Variants in MARCHF1 observed in about 807,000 individuals in gnomAD.
MARCHF1 encodes E3 ubiquitin-protein ligase MARCHF1.
MARCHF1 carries 40 observed loss-of-function variants against 54.2 expected under a neutral mutation model. The observed-to-expected ratio is 0.74, with a 90% confidence interval of 0.57 to 0.96. The LOEUF (loss-of-function observed/expected upper bound fraction) is 0.96. Among genes scored for constraint, MARCHF1 ranks in the 40% least tolerant of loss-of-function variants. MARCHF1 has a pLI of 0.00. For missense variants in MARCHF1, 586 were observed against 656.5 expected (o/e 0.89, Z 1.17); for synonymous variants, 236 against 236.3 (o/e 1.00, Z 0.01).
chr4:164,213,561 G>A (rs1189855437), intron 1 of MARCHF1, among the ~76,000 whole-genome samples: 3 of 151,828 alleles, frequency 2.0e-5, no homozygotes, highest in Non-Finnish European at 4.4e-5. Flanking sequence ...AAAATTCTAC[G>A]TAACACATTG....
intron 1 of MARCHF1, among the ~76,000 whole-genome samples, chr4:164,349,841 T>C (rs529329912): frequency 6.6e-6 from 1 of 152,328 alleles, no homozygotes; most frequent in East Asian, 1.9e-4. Context: ...TCCACTCAAA[T>C]TGTTCAAAAG....
At chr4:163,571,152 G>A (rs986171598) in intron 8 of MARCHF1, among the ~76,000 whole-genome samples, 4 of 152,052 alleles carry the variant, frequency 2.6e-5, no homozygotes, top group Admixed American at 2.6e-4. Flanking sequence ...GATTTCTTCA[G>A]CTAAAAATTC....
At position 163,528,458 on chromosome 4, in the gene MARCHF1, C is replaced by T; in HGVS notation, c.*290G>A. ...CATGGGTCCATTTAATCTTTGATTA[C>T]TGCCTAAAAGCATTCATTGCCCCAG... On this transcript the variant is annotated 3_prime_UTR_variant, in exon 10 of 10. Coordinates refer to ENST00000514618, the MANE Select transcript of MARCHF1 (RefSeq NM_001394959.1). 3.0e-6 allele frequency: 1 copy of T among 328,640 alleles called. No homozygotes were observed. The allele number at this position is 328,640 out of a possible 1,614,324, so 20.4% of individuals were successfully genotyped here.
At chr4:163,571,454 A>T (rs922217984) in intron 8 of MARCHF1, among the ~76,000 whole-genome samples, 1 of 152,108 alleles carries the variant, frequency 6.6e-6, no homozygotes, top group African/African-American at 2.4e-5. Flanking sequence ...TCGTAAGTGG[A>T]TGTTACTGGA....
intron 1 of MARCHF1, among the ~76,000 whole-genome samples, chr4:164,376,585 G>C (rs1049207770): frequency 2.6e-5 from 4 of 152,134 alleles, no homozygotes; most frequent in Non-Finnish European, 5.9e-5. Flanking sequence ...TTCCATGGCC[G>C]GTTGAGGCTC....
intron 1 of MARCHF1, among the ~76,000 whole-genome samples, chr4:164,192,271 A>G (rs1459319476): frequency 2.0e-5 from 3 of 152,210 alleles, no homozygotes; most frequent in Non-Finnish European, 4.4e-5. Context: ...TTAAAACAAT[A>G]TTCTTTTAAA....
chr4:164,275,446 T>C (rs991552261), intron 1 of MARCHF1, among the ~76,000 whole-genome samples: 1 of 151,818 alleles, frequency 6.6e-6, no homozygotes. Flanking sequence ...GACATTAGAA[T>C]AATCCTTGAG....
In MARCHF1 at chr4:163,580,798, G is replaced by GTTT. The variant is rs539868861; in HGVS notation, c.1191+4948_1191+4950dup. On this transcript the variant is annotated intron_variant, in intron 8 of 9. Transcript: ENST00000514618. ...AGGAATGATTTAAGTAAGTATTAAA[G>GTTT]TTTTTTTTTTTTTTTGAGACGGAGT... 1.4e-4 allele frequency among the ~76,000 whole-genome samples: 15 copies of GTTT among 105,344 alleles called. 1 individual carries two copies. Among genetic ancestry groups the GTTT allele is most frequent in the Admixed American group, 5.0e-4 (5 of 9,926 alleles). The allele number at this position is 105,344 out of a possible 152,430, so 69.1% of individuals were successfully genotyped here.
At chr4:163,955,562 G>A (rs187334681) in intron 3 of MARCHF1, among the ~76,000 whole-genome samples, 11 of 152,090 alleles carry the variant, frequency 7.2e-5, no homozygotes, top group Non-Finnish European at 1.5e-4. Flanking sequence ...GTGCCCCTGC[G>A]TGTGTTTTTC....
chr4:163,943,596 A>G (rs1751960395), intron 3 of MARCHF1, among the ~76,000 whole-genome samples: 1 of 152,004 alleles, frequency 6.6e-6, no homozygotes, highest in Non-Finnish European at 1.5e-5. Context: ...TGTAGGGTGG[A>G]AGTTGGGAGG....
intron 2 of MARCHF1, among the ~76,000 whole-genome samples, chr4:164,007,646 CTGTGTG>C (rs70948688): frequency 0.33 from 45,809 of 139,726 alleles, 7,521 homozygotes; most frequent in Middle Eastern, 0.39. Context: ...CTCTCTCTCT[CTGTGTG>C]TGTGTGTGTG....
chr4:163,988,166 G>A (rs557821770), intron 3 of MARCHF1, among the ~76,000 whole-genome samples: 16 of 152,260 alleles, frequency 1.1e-4, no homozygotes, highest in Admixed American at 2.6e-4. Context: ...ATGTACCACA[G>A]CAATGTCCAG....
chr4:164,035,120 A>G (rs1753965105), intron 2 of MARCHF1, among the ~76,000 whole-genome samples: 1 of 152,140 alleles, frequency 6.6e-6, no homozygotes, highest in African/African-American at 2.4e-5. Flanking sequence ...TTTTTGACCA[A>G]TGAAAATTTA....
intron 2 of MARCHF1, among the ~76,000 whole-genome samples, chr4:164,084,852 A>G (rs532055629): frequency 2.5e-4 from 38 of 151,948 alleles, no homozygotes; most frequent in African/African-American, 9.1e-4. Context: ...CACATTGATG[A>G]CTTTATCACA....
intron 1 of MARCHF1, among the ~76,000 whole-genome samples, chr4:164,362,686 A>T (rs1730756447): frequency 6.6e-6 from 1 of 152,182 alleles, no homozygotes; most frequent in Non-Finnish European, 1.5e-5. Context: ...CAAAGAAAAT[A>T]ACAGATACAA....
chr4:163,653,326 A>G (rs1743033176), intron 5 of MARCHF1, among the ~76,000 whole-genome samples: 2 of 151,786 alleles, frequency 1.3e-5, no homozygotes, highest in Non-Finnish European at 2.9e-5. Context: ...CAGGTTATGT[A>G]TATCTTGTAG....
intron 8 of MARCHF1, among the ~76,000 whole-genome samples, chr4:163,561,439 A>G (rs1473254438): frequency 6.6e-6 from 1 of 152,206 alleles, no homozygotes. Flanking sequence ...TAGAAATGAA[A>G]TTTAAGGGAG....
intron 1 of MARCHF1, among the ~76,000 whole-genome samples, chr4:164,172,119 T>C (rs1730541870): frequency 6.6e-6 from 1 of 152,182 alleles, no homozygotes; most frequent in Admixed American, 6.5e-5. Context: ...CTTTCTTGGC[T>C]ACCCCTCATT....
intron 7 of MARCHF1, among the ~76,000 whole-genome samples, chr4:163,611,926 T>A (rs1741354996): frequency 6.6e-6 from 1 of 152,086 alleles, no homozygotes; most frequent in African/African-American, 2.4e-5. Context: ...CAAATTTGCA[T>A]TGAAAAGTCT....
Sources: allele counts gnomAD v4.1 joint callset (sites outside exome capture counted in the v4.1 genomes callset), GRCh38; gene constraint gnomAD v4.1.1; transcripts MANE v1.5; gene names NCBI Gene and HGNC (gene_info 2026-07-23, HGNC 2026-07-21).